Variants in MDGA2 observed in about 807,000 individuals in gnomAD.
MDGA2 encodes MAM domain containing glycosylphosphatidylinositol anchor 2, also known as MAM domain-containing glycosylphosphatidylinositol anchor protein 2.
A neutral mutation model predicts 117.8 loss-of-function variants in MDGA2; 40 were observed. The ratio of observed to expected loss-of-function variants is 0.34; its 90% confidence interval spans 0.26 to 0.44. The LOEUF (loss-of-function observed/expected upper bound fraction) is 0.44, where lower values mean the gene tolerates loss of function less well. Among genes scored for constraint, MDGA2 ranks in the 20% least tolerant of loss-of-function variants. MDGA2 has a pLI of 1.00. For missense variants in MDGA2, 1,123 were observed against 1,250.6 expected (o/e 0.90, Z 1.54); for synonymous variants, 452 against 439.0 (o/e 1.03, Z -0.37).
chr14:47,627,941 C>T lies in MDGA2; in HGVS notation c.280+46576G>A, dbSNP rs572114956. ...CATCAGAAGGAACGAACTCCGGACA[C>T]GCCACCTTTAAGAACTGTAACACTC... is the stretch of plus-strand genomic sequence containing the variant. On this transcript the variant is annotated intron_variant, in intron 1 of 16. Transcript: ENST00000399232. 4.6e-5 allele frequency among the ~76,000 whole-genome samples: 7 copies of T among 152,274 alleles called. No homozygotes were observed. In the East Asian group the frequency reaches 5.8e-4, roughly 13 times the overall value.
At chr14:46,926,673 T>C (rs2138531372) in intron 9 of MDGA2, among the ~76,000 whole-genome samples, 1 of 85,450 alleles carries the variant, frequency 1.2e-5, no homozygotes, top group Admixed American at 1.1e-4. Context: ...TTAATGAATC[T>C]TGAGTAAATT....
Position 47,499,811 on chromosome 14 carries a change from T to C in MDGA2, c.280+174706A>G, listed in dbSNP as rs868622168. ...CTGCGATTCCATGCTTGAGAATTTA[T>C]AAACAGATTTTCATTTTCAATCGGA... On this transcript the variant is annotated intron_variant, in intron 1 of 16. Coordinates refer to ENST00000399232, the MANE Select transcript of MDGA2 (RefSeq NM_001113498.3). Among the ~76,000 whole-genome samples the C allele has an allele frequency of 2.6e-5, 4 of 152,276 alleles. No homozygotes were observed. In the South Asian group the frequency reaches 8.3e-4, roughly 32 times the overall value.
At chr14:47,470,120 A>AT (rs35293636) in intron 1 of MDGA2, among the ~76,000 whole-genome samples, 13,055 of 148,526 alleles carry the variant, frequency 0.088, 621 homozygotes, top group Middle Eastern at 0.11. Context: ...ATTTATTTTT[A>AT]TTTTTTTTTT....
rs143988441 is a variant in MDGA2 at position 47,181,846 on chromosome 14, T to C, written c.595+36175A>G. ...TGGGTGAAATAAAAATTAAAAAGGC[T>C]ATGTCCTAAACACAATTTTTCCATT... is the stretch of plus-strand genomic sequence containing the variant. On this transcript the variant is annotated intron_variant, in intron 3 of 16. Transcript: ENST00000399232. Among the ~76,000 whole-genome samples, 802 of 152,298 alleles carry C rather than the reference T, an allele frequency of 5.3e-3. 4 individuals are homozygous for C. The highest frequency in any genetic ancestry group is 8.1e-3 in the Non-Finnish European group (551 of 68,016).
chr14:47,614,095 CTT>C (rs768294746), intron 1 of MDGA2, among the ~76,000 whole-genome samples: 66 of 101,672 alleles, frequency 6.5e-4, no homozygotes, highest in African/African-American at 1.8e-3. Context: ...TTTCTTTTTT[CTT>C]TTTTTTTTTT....
chr14:46,951,850 T>A (rs916692973), intron 9 of MDGA2, among the ~76,000 whole-genome samples: 3 of 151,978 alleles, frequency 2.0e-5, no homozygotes, highest in African/African-American at 7.2e-5. Flanking sequence ...AATAAATATG[T>A]TATTTAAAGC....
At chr14:47,363,091 C>G (rs1278181480) in intron 1 of MDGA2, among the ~76,000 whole-genome samples, 1 of 151,984 alleles carries the variant, frequency 6.6e-6, no homozygotes, top group African/African-American at 2.4e-5. Flanking sequence ...CTCTGTTTAT[C>G]ATCTTGGTAA....
chr14:47,430,021 G>A (rs1372759900), intron 1 of MDGA2, among the ~76,000 whole-genome samples: 1 of 150,198 alleles, frequency 6.7e-6, no homozygotes, highest in Non-Finnish European at 1.5e-5. Context: ...GAGGAGGACA[G>A]TGTCTCTAGA....
At chr14:47,048,294 A>G (rs1429870535) in intron 7 of MDGA2, among the ~76,000 whole-genome samples, 1 of 152,112 alleles carries the variant, frequency 6.6e-6, no homozygotes, top group Non-Finnish European at 1.5e-5. Context: ...TCTAAATTAA[A>G]AGGAAGATAA....
chr14:47,484,133 A>G (rs995853475), intron 1 of MDGA2, among the ~76,000 whole-genome samples: 1 of 152,154 alleles, frequency 6.6e-6, no homozygotes, highest in South Asian at 2.1e-4. Context: ...TCCTTCACAG[A>G]TTTATCACTT....
intron 1 of MDGA2, among the ~76,000 whole-genome samples, chr14:47,625,737 C>CT (rs1284054560): frequency 1.6e-4 from 24 of 152,210 alleles, no homozygotes; most frequent in Non-Finnish European, 3.4e-4. Flanking sequence ...ACTCTTCAAA[C>CT]TTTATTTCTC....
At chr14:47,309,363 A>G (rs1889561758) in intron 1 of MDGA2, among the ~76,000 whole-genome samples, 1 of 152,156 alleles carries the variant, frequency 6.6e-6, no homozygotes, top group Non-Finnish European at 1.5e-5. Flanking sequence ...CACTAGAGAT[A>G]AATATTTTTT....
In MDGA2 at chr14:47,528,372, T is replaced by C. The variant is rs1441099492; in HGVS notation, c.280+146145A>G. Among the ~76,000 whole-genome samples, 5 of 152,224 alleles carry C rather than the reference T, an allele frequency of 3.3e-5. No homozygotes were observed. The East Asian group carries it at 7.7e-4, about 23-fold the overall frequency. On this transcript the variant is annotated intron_variant, in intron 1 of 16. Coordinates refer to ENST00000399232, the MANE Select transcript of MDGA2 (RefSeq NM_001113498.3). ...TGCCCTCTGAGAGCTTATCTTCTAG[T>C]TGTTTACAGCTCATGATATATTATC...
At chr14:47,218,323 G>T in intron 2 of MDGA2, 128 bp from the exon 3 acceptor site, 1 of 786,686 alleles carries the variant, frequency 1.3e-6, no homozygotes, top group East Asian at 2.9e-5. Flanking sequence ...AATTATTGAA[G>T]AAAAAATTAA....
At chr14:47,556,113 G>T (rs922625276) in intron 1 of MDGA2, among the ~76,000 whole-genome samples, 3 of 152,076 alleles carry the variant, frequency 2.0e-5, no homozygotes, top group Non-Finnish European at 2.9e-5. Flanking sequence ...GGCTATATTC[G>T]GGTGGGTAGC....
intron 1 of MDGA2, among the ~76,000 whole-genome samples, chr14:47,527,911 A>C (rs934263202): frequency 1.3e-5 from 2 of 152,186 alleles, no homozygotes; most frequent in Admixed American, 1.3e-4. Context: ...AAAGCCAAAT[A>C]AGTTCTTTAG....
At position 47,393,854 on chromosome 14, in the gene MDGA2, CAGGA is replaced by C. The variant is rs766158044; in HGVS notation, c.281-92308_281-92305del. On this transcript the variant is annotated intron_variant, in intron 1 of 16. Transcript: ENST00000399232. ...GACTTGACTAATCATACTGGCTTACCAGGAACCTAAGGTTTTCTTGGAAAACCTT... is the reference window on the plus strand; with the variant it reads ...GACTTGACTAATCATACTGGCTTACCACCTAAGGTTTTCTTGGAAAACCTT... Among the ~76,000 whole-genome samples the C allele has an allele frequency of 1.8e-3, 272 of 152,230 alleles. 2 individuals are homozygous for C. The highest frequency in any genetic ancestry group is 3.4e-3 in the Middle Eastern group (1 of 294).
intron 1 of MDGA2, among the ~76,000 whole-genome samples, chr14:47,519,411 C>T (rs2138709708): frequency 6.6e-6 from 1 of 152,210 alleles, no homozygotes; most frequent in Non-Finnish European, 1.5e-5. Context: ...CCCCTCCATG[C>T]AATTATTTTA....
chr14:47,059,211 A>G (rs1234456148), intron 7 of MDGA2: 1 of 892,428 alleles, frequency 1.1e-6, no homozygotes, highest in Non-Finnish European at 1.6e-6. Flanking sequence ...TGTGCCATGT[A>G]TTGTTTCGGC....
Sources: allele counts gnomAD v4.1 joint callset (sites outside exome capture counted in the v4.1 genomes callset), GRCh38; gene constraint gnomAD v4.1.1; transcripts MANE v1.5; gene names NCBI Gene and HGNC (gene_info 2026-07-23, HGNC 2026-07-21).